Variants in EFR3A observed in about 807,000 individuals in gnomAD.
EFR3A encodes EFR3 homolog A.
Under a neutral mutation model 104.4 loss-of-function variants are expected in EFR3A, and 76 were observed. The observed-to-expected ratio is 0.73, with a 90% CI of 0.60 to 0.88. EFR3A has a LOEUF of 0.88. Ranked by LOEUF, EFR3A falls within the 40% of genes least tolerant of loss-of-function variation. The probability of loss-of-function intolerance (pLI) is 0.00; values close to 1 mark genes in which losing one functional copy is unlikely to be tolerated. For synonymous variants in EFR3A, 330 were observed against 330.0 expected (o/e 1.00, Z 0.00); for missense variants, 985 against 1,012.5 (o/e 0.97, Z 0.37).
At chr8:131,962,586 G>T (rs985315966) in intron 8 of EFR3A, among the ~76,000 whole-genome samples, 2 of 152,082 alleles carry the variant, frequency 1.3e-5, no homozygotes, top group African/African-American at 2.4e-5. Context: ...AGAAAGAGAC[G>T]TAGACTCCCA....
chr8:131,977,177 C>G (rs1355574394), intron 12 of EFR3A, 85 bp downstream of exon 12: 2 of 950,904 alleles, frequency 2.1e-6, no homozygotes, highest in Admixed American at 4.9e-5. Context: ...TACAACCGTT[C>G]TTTCTTAAGT....
Position 132,006,916 on chromosome 8 carries a change from A to G in EFR3A, c.2360+3631A>G, listed in dbSNP as rs1468354869. On this transcript the variant is annotated intron_variant, in intron 22 of 22. Coordinates refer to ENST00000254624, the MANE Select transcript of EFR3A (RefSeq NM_015137.6). ...CATAGTAAGAAAGCAAAGTTGCATG[A>G]TCACACCAGTAGGAAAAAAAGCATT... Among the ~76,000 whole-genome samples, 3 of 152,164 alleles carry G rather than the reference A, an allele frequency of 2.0e-5. No individual in the cohort carries two copies. The South Asian group carries it at 6.2e-4, about 32-fold the overall frequency.
chr8:131,958,531 A>T (rs1275511057), intron 7 of EFR3A, among the ~76,000 whole-genome samples: 1 of 152,012 alleles, frequency 6.6e-6, no homozygotes, highest in African/African-American at 2.4e-5. Context: ...CCTAGAGCAT[A>T]GTATGTAACA....
chr8:132,010,542 G>C lies in EFR3A; in HGVS notation c.2361-248G>C, dbSNP rs180936523. 8.2e-4 allele frequency among the ~76,000 whole-genome samples: 123 copies of C among 150,776 alleles called. No individual in the cohort carries two copies. In the East Asian group the frequency reaches 0.022, roughly 27 times the overall value. ...AACAAAGCTCACAAGAATGGGTAGA[G>C]TATAATCGCATTTAAAATTGTATAT... On this transcript the variant is annotated intron_variant, in intron 22 of 22. Coordinates refer to ENST00000254624, the MANE Select transcript of EFR3A (RefSeq NM_015137.6).
chr8:132,006,738 A>G (rs969422600), intron 22 of EFR3A, among the ~76,000 whole-genome samples: 2 of 151,970 alleles, frequency 1.3e-5, no homozygotes, highest in South Asian at 4.1e-4. Flanking sequence ...ATAGACAAGT[A>G]CCCCTCCTGA....
rs1207798147 is a variant in EFR3A at position 132,013,200 on chromosome 8, T to A, written c.*2305T>A. The A allele has an allele frequency of 2.0e-5, 3 of 152,456 alleles. No individual in the cohort carries two copies. Among genetic ancestry groups the A allele is most frequent in the African/African-American group, 7.2e-5 (3 of 41,464 alleles). 9.4% of individuals were successfully genotyped at this position (152,456 alleles called of 1,614,324 possible). A position where few individuals can be genotyped will look rare whatever the true frequency, so the allele number is the denominator to read the frequency against. ...AATAAATTGTTAATCATTCTCTTTTTGCTGTATAGAATTGCTTATATCACT... is the reference window on the plus strand; with the variant it reads ...AATAAATTGTTAATCATTCTCTTTTAGCTGTATAGAATTGCTTATATCACT... On this transcript the variant is annotated 3_prime_UTR_variant, in exon 23 of 23. Coordinates refer to ENST00000254624, the MANE Select transcript of EFR3A (RefSeq NM_015137.6).
At chr8:131,942,959 A>G (rs1038138517) in intron 2 of EFR3A, among the ~76,000 whole-genome samples, 1 of 152,094 alleles carries the variant, frequency 6.6e-6, no homozygotes, top group Non-Finnish European at 1.5e-5. Context: ...GGTTGCCTGA[A>G]GAGGGAGAGA....
chr8:132,010,670 G>T, intron 22 of EFR3A, 120 bp from the exon 23 acceptor site: 1 of 1,210,452 alleles, frequency 8.3e-7, no homozygotes, highest in Non-Finnish European at 1.1e-6. Context: ...AACTACAATG[G>T]CATTGATCAC....
chr8:131,909,777 C>T (rs1816423715), intron 1 of EFR3A, among the ~76,000 whole-genome samples: 1 of 152,152 alleles, frequency 6.6e-6, no homozygotes, highest in Non-Finnish European at 1.5e-5. Context: ...GAACTGGAAG[C>T]CAGGAGTAAC....
At chr8:131,962,766 A>G (rs1416126660) in intron 8 of EFR3A, among the ~76,000 whole-genome samples, 1 of 152,224 alleles carries the variant, frequency 6.6e-6, no homozygotes, top group African/African-American at 2.4e-5. Context: ...CAGAATATAC[A>G]TTCTTCTCAG....
chr8:131,952,537 A>G (rs1172727718), intron 5 of EFR3A, among the ~76,000 whole-genome samples: 2 of 152,100 alleles, frequency 1.3e-5, no homozygotes, highest in Non-Finnish European at 2.9e-5. Flanking sequence ...CTTGTTTGTT[A>G]ATGTGCTCCA....
At chr8:131,989,566 T>C (rs918562565) in intron 18 of EFR3A, among the ~76,000 whole-genome samples, 14 of 152,346 alleles carry the variant, frequency 9.2e-5, no homozygotes, top group Middle Eastern at 3.4e-3. Context: ...TCCAGTTAGT[T>C]GCTTAATAAA....
intron 8 of EFR3A, among the ~76,000 whole-genome samples, chr8:131,967,869 A>T (rs887801494): frequency 6.6e-6 from 1 of 150,574 alleles, no homozygotes; most frequent in Admixed American, 6.7e-5. Context: ...ATGGGAAAAT[A>T]CTGTGAATGT....
Position 131,940,560 on chromosome 8 carries a change from C to T in EFR3A, c.72C>T (p.Phe24=). ...PRYKRLVDNI[F]PEDPKDGLVK... is the part of the protein sequence containing the mutation. The stretch of plus-strand genomic sequence containing the variant: ...ACAAACGCCTGGTGGACAACATATT[C>T]CCTGAAGATCCAAAAGTAATTTGAT... The change falls in exon 2 of 23, where the codon TTC becomes TTT. Residue 24 remains phenylalanine, a synonymous_variant. Transcript: ENST00000254624. 4 of 1,608,082 alleles carry T rather than the reference C, an allele frequency of 2.5e-6. No individual in the cohort carries two copies. Among genetic ancestry groups the T allele is most frequent in the Non-Finnish European group, 3.4e-6 (4 of 1,177,310 alleles).
intron 1 of EFR3A, among the ~76,000 whole-genome samples, chr8:131,935,773 G>T (rs1563640865): frequency 6.6e-6 from 1 of 151,968 alleles, no homozygotes; most frequent in Non-Finnish European, 1.5e-5. Flanking sequence ...TGGCATGGTG[G>T]CAGTTAGTGG....
intron 5 of EFR3A, 58 bp downstream of exon 5, chr8:131,950,148 T>C: frequency 6.8e-7 from 1 of 1,475,672 alleles, no homozygotes; most frequent in African/African-American, 1.4e-5. Context: ...AATATTGTGT[T>C]CATATGTTAC....
chr8:131,995,661 G>A (rs1365585815), intron 18 of EFR3A, among the ~76,000 whole-genome samples: 12 of 152,206 alleles, frequency 7.9e-5, no homozygotes. Flanking sequence ...AGCGCTGTCA[G>A]AAGAGTGGTT....
At chr8:131,974,532 C>A (rs532528089) in intron 10 of EFR3A, among the ~76,000 whole-genome samples, 9 of 152,154 alleles carry the variant, frequency 5.9e-5, no homozygotes, top group African/African-American at 1.7e-4. Context: ...AATAAATAAC[C>A]CTTACCTCAG....
chr8:131,942,129 A>T (rs1307290761), intron 2 of EFR3A, among the ~76,000 whole-genome samples: 2 of 152,090 alleles, frequency 1.3e-5, no homozygotes, highest in East Asian at 3.9e-4. Context: ...TAGTCAGTGA[A>T]GGAGCTTTGA....
Sources: gnomAD v4.1 joint callset for allele counts (sites outside exome capture counted in the v4.1 genomes callset) on GRCh38, gnomAD v4.1.1 for gene constraint, MANE v1.5 for transcripts, NCBI Gene and HGNC (gene_info 2026-07-23, HGNC 2026-07-21) for gene names.